The following RASA2 variants were observed in gnomAD, a reference collection of about 807,000 sequenced individuals.
The protein encoded by RASA2 is ras GTPase-activating protein 2.
In RASA2, 155 loss-of-function variants were observed where a neutral mutation model predicts 118.2. That is an observed-to-expected ratio of 1.31 (90% CI 1.15 to 1.50). RASA2 has a LOEUF of 1.50. Among genes scored for constraint, RASA2 ranks in the 40% most tolerant of loss-of-function variants. The pLI is 0.00. For synonymous variants in RASA2, 353 were observed against 349.1 expected (o/e 1.01, Z -0.12); for missense variants, 1,016 against 1,009.6 (o/e 1.01, Z -0.09).
At chr3:141,511,734 T>C (rs2081953420) in intron 1 of RASA2, among the ~76,000 whole-genome samples, 1 of 152,158 alleles carries the variant, frequency 6.6e-6, no homozygotes, top group South Asian at 2.1e-4. Context: ...AGAAGTTTTT[T>C]TTCCTTTTCT....
Position 141,540,531 on chromosome 3 carries a change from A to G in RASA2, c.451-2A>G. On this transcript the variant is annotated splice_acceptor_variant, in intron 4 of 23. Coordinates refer to ENST00000286364, the MANE Select transcript of RASA2 (RefSeq NM_006506.5). LOFTEE classifies it high-confidence loss of function. ...CAGTTTGTAATCTTTTTGTCATTAT[A>G]GGGTAAAGTTCACCTTGAATTAAAA... 3 of 1,605,398 alleles carry G rather than the reference A, an allele frequency of 1.9e-6. No homozygotes were observed. The highest frequency in any genetic ancestry group is 1.1e-5 in the South Asian group (1 of 90,488).
chr3:141,597,954 C>T (rs1051444555), intron 19 of RASA2, among the ~76,000 whole-genome samples: 1 of 151,990 alleles, frequency 6.6e-6, no homozygotes, highest in Non-Finnish European at 1.5e-5. Context: ...ATAAATTTGA[C>T]AATTCAGATG....
chr3:141,507,390 A>G (rs147925839), intron 1 of RASA2, among the ~76,000 whole-genome samples: 180 of 152,362 alleles, frequency 1.2e-3, no homozygotes, highest in Admixed American at 2.0e-3. Context: ...ATTGTTGACA[A>G]GGCTGAAGAA....
chr3:141,567,142 A>T (rs2082832153), intron 9 of RASA2, among the ~76,000 whole-genome samples: 1 of 152,144 alleles, frequency 6.6e-6, no homozygotes, highest in Non-Finnish European at 1.5e-5. Flanking sequence ...CAGGCCAGGC[A>T]TGGTGGCTTA....
intron 19 of RASA2, among the ~76,000 whole-genome samples, chr3:141,596,953 C>A (rs1366876729): frequency 6.6e-6 from 1 of 152,082 alleles, no homozygotes; most frequent in Non-Finnish European, 1.5e-5. Flanking sequence ...GGTTACCTAC[C>A]CCAAAAGAAA....
rs778912783 is a variant in RASA2 at position 141,609,863 on chromosome 3, C to T, written c.2330-14C>T. The T allele has an allele frequency of 3.9e-6, 6 of 1,524,340 alleles. No individual in the cohort carries two copies. Among genetic ancestry groups the T allele is most frequent in the Middle Eastern group, 1.8e-4 (1 of 5,690 alleles). The allele number at this position is 1,524,340 out of a possible 1,614,324, so 94.4% of individuals were successfully genotyped here. ...AGTTGTCTGATCAGAGATTTATTTT[C>T]CTGCTCTTTGTAGAGGCTTGTGGAA... is the stretch of plus-strand genomic sequence containing the variant. On this transcript the variant is annotated splice_polypyrimidine_tract_variant and intron_variant, in intron 22 of 23. Transcript: ENST00000286364.
intron 17 of RASA2, 112 bp downstream of exon 17, chr3:141,581,289 CT>C: frequency 1.1e-6 from 1 of 900,296 alleles, no homozygotes; most frequent in Non-Finnish European, 1.5e-6. Flanking sequence ...AATGTTTAAA[CT>C]GTTCATCAAA....
chr3:141,567,918 C>A (rs1335625037), intron 9 of RASA2, among the ~76,000 whole-genome samples: 1 of 152,180 alleles, frequency 6.6e-6, no homozygotes. Context: ...AGCATTTTAG[C>A]AGGACTTGGG....
intron 3 of RASA2, among the ~76,000 whole-genome samples, chr3:141,521,098 C>T (rs759329552): frequency 3.3e-5 from 5 of 152,142 alleles, no homozygotes; most frequent in South Asian, 2.1e-4. Context: ...TTAGTATTAC[C>T]GGGGTACATC....
chr3:141,532,534 C>T (rs1262411988), intron 4 of RASA2, among the ~76,000 whole-genome samples: 1 of 152,062 alleles, frequency 6.6e-6, no homozygotes, highest in African/African-American at 2.4e-5. Flanking sequence ...ATTCTTAGAA[C>T]AACAGACATT....
intron 4 of RASA2, among the ~76,000 whole-genome samples, chr3:141,538,429 C>T (rs1217172868): frequency 6.6e-6 from 1 of 152,098 alleles, no homozygotes; most frequent in East Asian, 1.9e-4. Context: ...TCTGAAATTT[C>T]ACCAACCAAA....
intron 18 of RASA2, 120 bp from the exon 19 acceptor site, chr3:141,586,526 T>G (rs1298095399): frequency 1.6e-6 from 1 of 623,518 alleles, no homozygotes; most frequent in East Asian, 3.0e-5. Flanking sequence ...AAAAACATTT[T>G]TATATATTTA....
At chr3:141,567,922 A>G (rs1389242566) in intron 9 of RASA2, among the ~76,000 whole-genome samples, 1 of 152,248 alleles carries the variant, frequency 6.6e-6, no homozygotes, top group Non-Finnish European at 1.5e-5. Flanking sequence ...TTTTAGCAGG[A>G]CTTGGGTAAC....
intron 21 of RASA2, 60 bp from the exon 22 acceptor site, chr3:141,609,360 C>T (rs1319358416): frequency 9.3e-7 from 1 of 1,071,446 alleles, no homozygotes; most frequent in African/African-American, 1.7e-5. Flanking sequence ...ATCAGAAGTC[C>T]TTGGCATGTT....
intron 9 of RASA2, among the ~76,000 whole-genome samples, chr3:141,560,572 G>A (rs988859338): frequency 2.6e-5 from 4 of 152,108 alleles, no homozygotes; most frequent in Non-Finnish European, 5.9e-5. Context: ...TTAGTTTTCA[G>A]TGACTCTAAT....
chr3:141,503,381 A>G (rs1464807563), intron 1 of RASA2, among the ~76,000 whole-genome samples: 1 of 152,224 alleles, frequency 6.6e-6, no homozygotes, highest in Admixed American at 6.5e-5. Flanking sequence ...GATAAAATTT[A>G]TATGGTAGGA....
intron 1 of RASA2, among the ~76,000 whole-genome samples, chr3:141,491,388 T>C (rs1489659205): frequency 6.6e-6 from 1 of 152,198 alleles, no homozygotes; most frequent in Non-Finnish European, 1.5e-5. Flanking sequence ...ATTTCCTTAT[T>C]ATAGCACATT....
chr3:141,572,312 A>T (rs1164584334), intron 11 of RASA2, among the ~76,000 whole-genome samples: 1 of 151,916 alleles, frequency 6.6e-6, no homozygotes, highest in Non-Finnish European at 1.5e-5. Context: ...GGCTAGTCTC[A>T]CACTCCTGAC....
intron 3 of RASA2, among the ~76,000 whole-genome samples, chr3:141,521,726 AGG>A (rs1192290836): frequency 6.6e-6 from 1 of 152,132 alleles, no homozygotes; most frequent in African/African-American, 2.4e-5. Context: ...ATTCTTTCTA[AGG>A]GATAAAATTT....
Sources: allele counts gnomAD v4.1 joint callset (sites outside exome capture counted in the v4.1 genomes callset), GRCh38; gene constraint gnomAD v4.1.1; transcripts MANE v1.5; gene names NCBI Gene and HGNC (gene_info 2026-07-23, HGNC 2026-07-21).